The following PEX1 variants were observed in gnomAD, a reference collection of about 807,000 sequenced individuals.
PEX1 encodes the protein peroxisomal ATPase PEX1.
A neutral mutation model predicts 152.5 loss-of-function variants in PEX1; 97 were observed. That is an observed-to-expected ratio of 0.64 (90% CI 0.54 to 0.75). The LOEUF is 0.75. Among genes scored for constraint, PEX1 ranks in the 30% least tolerant of loss-of-function variants. The pLI is 0.00. For missense variants in PEX1, 1,357 were observed against 1,516.3 expected, an observed-to-expected ratio of 0.89 and a Z score of 1.74; for synonymous variants, 485 against 531.6, an observed-to-expected ratio of 0.91 and a Z score of 1.21.
intron 20 of PEX1, among the ~76,000 whole-genome samples, chr7:92,492,731 T>A (rs529804555): frequency 7.2e-5 from 11 of 152,220 alleles, no homozygotes; most frequent in Non-Finnish European, 1.5e-4. Flanking sequence ...TTTTTGCCAA[T>A]ATTAAGGTAA....
At position 92,518,156 on chromosome 7, in the gene PEX1, T is replaced by A. The variant is rs200106153; in HGVS notation, c.457A>T (p.Ile153Leu). 1 of 1,610,676 alleles carries A rather than the reference T, an allele frequency of 6.2e-7. No individual in the cohort carries two copies. Among genetic ancestry groups the A allele is most frequent in the South Asian group, 1.1e-5 (1 of 90,982 alleles). Residue 153 changes from isoleucine to leucine, a missense_variant, in exon 4 of 24, where the codon ATA becomes TTA. Transcript: ENST00000248633. ...FPVWVDQQTY[I>L]FIQIVALIPA... ...TAGCACCTACCAATTTGGATAAATA[T>A]GTACGTTTGTTGATCAACCCAAACA...
At chr7:92,511,802 GAC>G in intron 6 of PEX1, 99 bp from the exon 7 acceptor site, 6 of 1,115,744 alleles carry the variant, frequency 5.4e-6, no homozygotes, top group Non-Finnish European at 7.9e-6. Context: ...GTGTAAGCCT[GAC>G]CAAACAAATC....
At chr7:92,496,842 C>CG (rs1791676964) in intron 16 of PEX1, 65 bp from the exon 17 acceptor site, 1 of 1,025,278 alleles carries the variant, frequency 9.8e-7, no homozygotes, top group African/African-American at 1.6e-5. Context: ...TGGTTTCTGA[C>CG]TAAGTCTAAA....
chr7:92,493,732 G>C (rs1167354263), intron 19 of PEX1: 1 of 153,926 alleles, frequency 6.5e-6, no homozygotes, highest in Non-Finnish European at 1.4e-5. Flanking sequence ...AGTGTGCCAA[G>C]AAGGTATTTC....
At chr7:92,490,348 A>C (rs184227620) in intron 21 of PEX1, 311 of 219,172 alleles carry the variant, frequency 1.4e-3, no homozygotes, top group African/African-American at 6.9e-3. Flanking sequence ...TTAAAGTCTG[A>C]GTTAGGCTAG....
chr7:92,501,654 C>A lies in PEX1; in HGVS notation c.2436G>T (p.Leu812Phe). The A allele has an allele frequency of 6.2e-7, 1 of 1,613,450 alleles. No individual in the cohort carries two copies. The highest frequency in any genetic ancestry group is 8.5e-7 in the Non-Finnish European group (1 of 1,179,500). The stretch of plus-strand genomic sequence containing the variant: ...ATCCGCGGAGAGCCTTTTGGAAGTC[C>A]AATGTTGTTAAAACTAATTCTGTTT... The part of the protein sequence containing the change: ...STREKLVLTT[L>F]DFQKALRGFL... The change falls in exon 15 of 24, where the codon TTG becomes TTT. Residue 812 changes from leucine to phenylalanine, a missense_variant. Coordinates refer to ENST00000248633, the MANE Select transcript of PEX1 (RefSeq NM_000466.3).
intron 17 of PEX1, among the ~76,000 whole-genome samples, chr7:92,496,098 G>A (rs1791640806): frequency 1.3e-5 from 2 of 151,824 alleles, no homozygotes; most frequent in South Asian, 4.2e-4. Context: ...AATACATGAA[G>A]TATTCATTTT....
At chr7:92,498,871 TC>T (rs932567353) in intron 16 of PEX1, among the ~76,000 whole-genome samples, 2 of 152,246 alleles carry the variant, frequency 1.3e-5, no homozygotes, top group African/African-American at 4.8e-5. Context: ...AGTTGTCTAC[TC>T]CCTTTAAGAA....
Position 92,493,109 on chromosome 7 carries a change from T to C in PEX1, c.3051A>G (p.Leu1017=). The change falls in exon 20 of 24, where the codon TTA becomes TTG. Residue 1017 remains leucine (L), a synonymous_variant. Transcript: ENST00000248633. Reference sequence around the variant, plus strand: ...GAGGTAGAGAGTCACTGAGGACATTTAAAATTTCAAGACGTGACACCTGAA... The same window carrying C: ...GAGGTAGAGAGTCACTGAGGACATTCAAAATTTCAAGACGTGACACCTGAA... The part of the protein sequence containing the change: ...PPDQVSRLEI[L]NVLSDSLPLA... The C allele has an allele frequency of 6.2e-7, 1 of 1,605,634 alleles. No individual in the cohort carries two copies.
Position 92,517,416 on chromosome 7 carries a change from G to A in PEX1, c.1099C>T (p.Gln367Ter), listed in dbSNP as rs140990231. The A allele has an allele frequency of 6.2e-7, 1 of 1,612,618 alleles. No individual in the cohort carries two copies. The highest frequency in any genetic ancestry group is 2.2e-5 in the East Asian group (1 of 44,844). Residue 367 changes from glutamine to a stop codon, truncating the protein, a stop_gained, in exon 5 of 24, where the codon CAA becomes TAA. Coordinates refer to ENST00000248633, the MANE Select transcript of PEX1 (RefSeq NM_000466.3). LOFTEE classifies it high-confidence loss of function. Reference sequence around the variant, plus strand: ...TTATGATCTGACCTAATTTTTTTTTGATCTAGTGGCTCTGACATCTGCTTC... The same window carrying A: ...TTATGATCTGACCTAATTTTTTTTTAATCTAGTGGCTCTGACATCTGCTTC... ...KEKQMSEPLD[Q>*]KKIRSDHNEE...
At chr7:92,520,293 A>G (rs573882250) in intron 2 of PEX1, among the ~76,000 whole-genome samples, 1 of 152,326 alleles carries the variant, frequency 6.6e-6, no homozygotes, top group South Asian at 2.1e-4. Context: ...TGTAGAACAA[A>G]GCACCAAAGT....
chr7:92,506,618 C>A, intron 10 of PEX1: 1 of 513,274 alleles, frequency 1.9e-6, no homozygotes, highest in Non-Finnish European at 3.5e-6. Context: ...GCAGATAAAA[C>A]TCAGCAATGT....
At chr7:92,520,740 C>T (rs982925701) in intron 2 of PEX1, among the ~76,000 whole-genome samples, 8 of 152,082 alleles carry the variant, frequency 5.3e-5, no homozygotes, top group South Asian at 2.1e-4. Context: ...ATCATGAAGA[C>T]GCACACAGAG....
chr7:92,488,858 C>G (rs1306692676), intron 23 of PEX1, among the ~76,000 whole-genome samples: 1 of 152,014 alleles, frequency 6.6e-6, no homozygotes, highest in Non-Finnish European at 1.5e-5. Flanking sequence ...CTCAGCCTCC[C>G]AAGTAGCTGG....
At chr7:92,487,905 T>C (rs1161474923) in intron 23 of PEX1, among the ~76,000 whole-genome samples, 1 of 152,208 alleles carries the variant, frequency 6.6e-6, no homozygotes, top group Non-Finnish European at 1.5e-5. Context: ...TTAGTGATGG[T>C]GCAGTATATC....
At chr7:92,496,038 G>A (rs573418345) in intron 17 of PEX1, among the ~76,000 whole-genome samples, 9 of 152,000 alleles carry the variant, frequency 5.9e-5, no homozygotes, top group South Asian at 2.1e-4. Context: ...CAGGAATTAC[G>A]TGGAAGAGGT....
In PEX1 at chr7:92,517,544, A is replaced by G; in HGVS notation, c.971T>C (p.Val324Ala). ...VFPWDQEYFDVEPSFTVTYGK... is the reference protein window; with the variant it reads ...VFPWDQEYFDAEPSFTVTYGK... ...ATATGTCACAGTAAAGCTGGGCTCT[A>G]CATCAAAATATTCCTGGTCCCATGG... Residue 324 changes from valine to alanine, a missense_variant, in exon 5 of 24, where the codon GTA becomes GCA. Transcript: ENST00000248633. 1.9e-6 allele frequency: 3 copies of G among 1,614,092 alleles called. No individual in the cohort carries two copies. Among genetic ancestry groups the G allele is most frequent in the Non-Finnish European group, 2.5e-6 (3 of 1,180,014 alleles).
chr7:92,510,882 C>A lies in PEX1; in HGVS notation c.1587+62G>T, dbSNP rs532965508. On this transcript the variant is annotated intron_variant, in intron 8 of 23. Coordinates refer to ENST00000248633, the MANE Select transcript of PEX1 (RefSeq NM_000466.3). ...GCAAGGTGTTACAAGGAACTTCATACTTTATTATCAATCATATGTAACAAA... is the reference window on the plus strand; with the variant it reads ...GCAAGGTGTTACAAGGAACTTCATAATTTATTATCAATCATATGTAACAAA... The A allele has an allele frequency of 5.4e-6, 5 of 920,804 alleles. No individual in the cohort carries two copies. The African/African-American group carries it at 8.3e-5, about 15-fold the overall frequency. The allele number at this position is 920,804 out of a possible 1,614,324, so 57.0% of individuals were successfully genotyped here.
chr7:92,493,132 GA>G lies in PEX1; in HGVS notation c.3031-4del. ...TTTAAAATTTCAAGACGTGACACCTGAAAGGAGAAAAATTTATTTAACAAAT... is the reference window on the plus strand; with the variant it reads ...TTTAAAATTTCAAGACGTGACACCTGAAGGAGAAAAATTTATTTAACAAAT... On this transcript the variant is annotated splice_region_variant and splice_polypyrimidine_tract_variant and intron_variant, in intron 19 of 23. Coordinates refer to ENST00000248633, the MANE Select transcript of PEX1 (RefSeq NM_000466.3). The G allele has an allele frequency of 6.5e-7, 1 of 1,529,308 alleles. No individual in the cohort carries two copies. The highest frequency in any genetic ancestry group is 9.0e-7 in the Non-Finnish European group (1 of 1,113,366). 94.7% of individuals were successfully genotyped at this position (1,529,308 alleles called of 1,614,324 possible).
Sources: gnomAD v4.1 joint callset for allele counts (sites outside exome capture counted in the v4.1 genomes callset) on GRCh38, gnomAD v4.1.1 for gene constraint, MANE v1.5 for transcripts, NCBI Gene and HGNC (gene_info 2026-07-23, HGNC 2026-07-21) for gene names.